Variants in STXBP5L observed in about 807,000 individuals in gnomAD.
The protein encoded by STXBP5L is syntaxin binding protein 5L.
In STXBP5L, 65 loss-of-function variants were observed where a neutral mutation model predicts 144.5. The observed-to-expected ratio is 0.45, with a 90% CI of 0.37 to 0.55. STXBP5L has a LOEUF of 0.55. Among genes scored for constraint, STXBP5L ranks in the 20% least tolerant of loss-of-function variants. STXBP5L has a pLI of 0.00. For missense variants in STXBP5L, 1,298 were observed against 1,405.5 expected (o/e 0.92, Z 1.22); for synonymous variants, 505 against 469.6 (o/e 1.08, Z -0.97).
At chr3:121,100,268 A>G (rs2043348328) in intron 5 of STXBP5L, among the ~76,000 whole-genome samples, 1 of 152,128 alleles carries the variant, frequency 6.6e-6, no homozygotes, top group Non-Finnish European at 1.5e-5. Flanking sequence ...TGTCTACATA[A>G]TACTCCACCC....
At chr3:121,362,143 G>T (rs899637702) in intron 20 of STXBP5L, among the ~76,000 whole-genome samples, 1 of 151,394 alleles carries the variant, frequency 6.6e-6, no homozygotes, top group East Asian at 1.9e-4. Context: ...AACATACAGA[G>T]TCTCTCTCTC....
At chr3:121,416,486 T>C (rs1030529046) in intron 25 of STXBP5L, among the ~76,000 whole-genome samples, 15 of 144,320 alleles carry the variant, frequency 1.0e-4, no homozygotes, top group African/African-American at 3.3e-4. Flanking sequence ...TTTATTTATT[T>C]ATTTATTTAT....
intron 22 of STXBP5L, 44 bp from the exon 23 acceptor site, chr3:121,407,199 T>C (rs748022044): frequency 1.3e-5 from 20 of 1,520,024 alleles, no homozygotes; most frequent in Non-Finnish European, 1.8e-5. Context: ...ATAGATGCTT[T>C]AGAATGAATT....
chr3:120,956,921 T>G (rs2107711692), intron 3 of STXBP5L, among the ~76,000 whole-genome samples: 1 of 152,052 alleles, frequency 6.6e-6, no homozygotes, highest in Middle Eastern at 3.4e-3. Flanking sequence ...GAATGAAGCT[T>G]TTACCCTGTT....
chr3:120,919,992 G>A (rs1447206423), intron 2 of STXBP5L, among the ~76,000 whole-genome samples: 1 of 149,314 alleles, frequency 6.7e-6, no homozygotes, highest in Admixed American at 6.7e-5. Flanking sequence ...CTTTCTCTTT[G>A]TCCTTAGCCT....
intron 10 of STXBP5L, among the ~76,000 whole-genome samples, chr3:121,212,310 A>G (rs1456186726): frequency 1.3e-5 from 2 of 152,146 alleles, no homozygotes; most frequent in East Asian, 3.9e-4. Context: ...CCTGAATGAT[A>G]TTGCCTAGGT....
intron 11 of STXBP5L, among the ~76,000 whole-genome samples, chr3:121,231,085 G>A (rs879875831): frequency 2.6e-5 from 4 of 152,230 alleles, no homozygotes; most frequent in Non-Finnish European, 5.9e-5. Context: ...TTCTCTACCT[G>A]CCAGGATGAT....
intron 5 of STXBP5L, among the ~76,000 whole-genome samples, chr3:121,053,838 A>T (rs900735833): frequency 6.6e-6 from 1 of 152,150 alleles, no homozygotes; most frequent in Non-Finnish European, 1.5e-5. Context: ...CAACCTACTC[A>T]TCTGACAAAG....
chr3:121,362,089 G>A (rs1178781115), intron 20 of STXBP5L, among the ~76,000 whole-genome samples: 1 of 152,190 alleles, frequency 6.6e-6, no homozygotes, highest in Admixed American at 6.5e-5. Flanking sequence ...AGAATTATCT[G>A]GGTTACATGA....
chr3:121,005,433 C>A (rs996213028), intron 3 of STXBP5L, among the ~76,000 whole-genome samples: 1 of 151,954 alleles, frequency 6.6e-6, no homozygotes, highest in African/African-American at 2.4e-5. Flanking sequence ...CTATTTGATT[C>A]TTCTCTCTTT....
At chr3:121,019,697 A>G (rs1945406306) in intron 3 of STXBP5L, among the ~76,000 whole-genome samples, 1 of 152,198 alleles carries the variant, frequency 6.6e-6, no homozygotes, top group Admixed American at 6.5e-5. Flanking sequence ...TTTGGCTCTC[A>G]GGAAGCTCCA....
intron 20 of STXBP5L, among the ~76,000 whole-genome samples, chr3:121,340,523 G>A (rs182362599): frequency 2.4e-4 from 16 of 68,084 alleles, no homozygotes; most frequent in African/African-American, 3.0e-4. Context: ...GATATTCCCC[G>A]CCCCATGTCC....
intron 8 of STXBP5L, 150 bp from the exon 9 acceptor site, chr3:121,157,354 T>C (rs1285641758): frequency 6.5e-6 from 5 of 773,992 alleles, no homozygotes; most frequent in Non-Finnish European, 9.3e-6. Context: ...TTACCAGAAA[T>C]TATAGTCTGA....
chr3:121,136,207 C>T (rs780494935), intron 7 of STXBP5L, among the ~76,000 whole-genome samples: 3 of 152,164 alleles, frequency 2.0e-5, no homozygotes, highest in Non-Finnish European at 4.4e-5. Context: ...AGAGAAAAAT[C>T]ATTCACTTGG....
intron 20 of STXBP5L, among the ~76,000 whole-genome samples, chr3:121,349,762 A>G (rs2045189159): frequency 6.6e-6 from 1 of 151,980 alleles, no homozygotes; most frequent in Non-Finnish European, 1.5e-5. Context: ...CTGTTTTATC[A>G]GAGACTAGGA....
chr3:120,910,182 G>A (rs1354780915), intron 2 of STXBP5L, among the ~76,000 whole-genome samples: 1 of 151,986 alleles, frequency 6.6e-6, no homozygotes, highest in Non-Finnish European at 1.5e-5. Flanking sequence ...AGGAAAATAT[G>A]TTCATTTTAA....
At chr3:121,042,604 C>T (rs1216255264) in intron 4 of STXBP5L, among the ~76,000 whole-genome samples, 1 of 152,072 alleles carries the variant, frequency 6.6e-6, no homozygotes. Flanking sequence ...TCAGTGTCTG[C>T]ATATATTTGC....
chr3:121,218,162 A>C (rs2048850827), intron 10 of STXBP5L, among the ~76,000 whole-genome samples: 1 of 139,576 alleles, frequency 7.2e-6, no homozygotes, highest in South Asian at 2.2e-4. Flanking sequence ...TATAGTAATA[A>C]TATACTATAC....
rs143835487 is a variant in STXBP5L, at chr3:121,053,351, G to A, written c.470+7816G>A. The stretch of plus-strand genomic sequence containing the variant: ...CCCTGATTTCAAACTATACTACAAG[G>A]CTACAGTAACCAAAACAGCATGGTA... On this transcript the variant is annotated intron_variant, in intron 5 of 26. Transcript: ENST00000471454. Among the ~76,000 whole-genome samples the A allele has an allele frequency of 2.6e-5, 4 of 152,220 alleles. No homozygotes were observed. The East Asian group carries it at 7.7e-4, about 29-fold the overall frequency.
Sources: allele counts gnomAD v4.1 joint callset (sites outside exome capture counted in the v4.1 genomes callset), GRCh38; gene constraint gnomAD v4.1.1; transcripts MANE v1.5; gene names NCBI Gene and HGNC (gene_info 2026-07-23, HGNC 2026-07-21).